Variants in BIRC6 observed in about 807,000 individuals in gnomAD.
BIRC6 encodes baculoviral IAP repeat containing 6.
BIRC6 carries 98 observed loss-of-function variants against 503.3 expected under a neutral mutation model. The observed-to-expected ratio is 0.19, with a 90% CI of 0.17 to 0.23. BIRC6 has a LOEUF of 0.23. Ranked by LOEUF, BIRC6 falls within the 10% of genes least tolerant of loss-of-function variation. The probability of loss-of-function intolerance (pLI) is 1.00; values close to 1 mark genes in which losing one functional copy is unlikely to be tolerated. For missense variants in BIRC6, 5,360 were observed against 5,806.0 expected (o/e 0.92, Z 2.50); for synonymous variants, 2,240 against 2,078.7 (o/e 1.08, Z -2.11).
intron 10 of BIRC6, among the ~76,000 whole-genome samples, chr2:32,424,078 G>A (rs889502129): frequency 6.6e-6 from 1 of 152,128 alleles, no homozygotes; most frequent in African/African-American, 2.4e-5. Context: ...TTTTGACTTG[G>A]AAAGAAAAAT....
chr2:32,429,892 A>G (rs1300367128), intron 11 of BIRC6, among the ~76,000 whole-genome samples: 13 of 152,212 alleles, frequency 8.5e-5, no homozygotes, highest in African/African-American at 2.9e-4. Context: ...CTTGGTATAA[A>G]AAGCTAAAAT....
chr2:32,524,569 A>G (rs2056091148), intron 57 of BIRC6, among the ~76,000 whole-genome samples: 1 of 152,210 alleles, frequency 6.6e-6, no homozygotes, highest in Non-Finnish European at 1.5e-5. Context: ...ACATTGAACT[A>G]TGGCTAAAAT....
intron 10 of BIRC6, among the ~76,000 whole-genome samples, chr2:32,420,109 C>A (rs2042777525): frequency 6.6e-6 from 1 of 152,082 alleles, no homozygotes; most frequent in African/African-American, 2.4e-5. Context: ...AAATTTTGTT[C>A]ATAGTTTTTG....
rs767942394 is a variant in BIRC6 at position 32,515,155 on chromosome 2, C to T, written c.10734C>T (p.Ser3578=). 6 of 1,613,854 alleles carry T rather than the reference C, an allele frequency of 3.7e-6. No individual in the cohort carries two copies. The highest frequency in any genetic ancestry group is 4.2e-6 in the Non-Finnish European group (5 of 1,179,878). ...CAGTGCAATGTCATCATAGACTGTC[C>T]ATGACAGATGATAGCAAAAAGCAGG... is the stretch of plus-strand genomic sequence containing the variant. ...PPPVQCHHRL[S]MTDDSKKQDL... Residue 3578 remains serine (S), a synonymous_variant, in exon 55 of 74, where the codon TCC becomes TCT. Coordinates refer to ENST00000421745, the MANE Select transcript of BIRC6 (RefSeq NM_016252.4).
chr2:32,588,155 A>T (rs1467752632), intron 66 of BIRC6, among the ~76,000 whole-genome samples: 3 of 152,116 alleles, frequency 2.0e-5, no homozygotes, highest in Non-Finnish European at 4.4e-5. Context: ...GGAGTTCAAG[A>T]CCAGCCTGGC....
chr2:32,495,859 A>G (rs190351242), intron 45 of BIRC6, among the ~76,000 whole-genome samples: 2 of 128,130 alleles, frequency 1.6e-5, no homozygotes, highest in Non-Finnish European at 3.1e-5. Flanking sequence ...TTTTTTTGAG[A>G]CGGAGTCTCT....
At position 32,505,213 on chromosome 2, in the gene BIRC6, A is replaced by G. The variant is rs2053660368; in HGVS notation, c.9700+8A>G. The G allele has an allele frequency of 6.5e-7, 1 of 1,540,340 alleles. No individual in the cohort carries two copies. The highest frequency in any genetic ancestry group is 8.8e-7 in the Non-Finnish European group (1 of 1,135,090). ...ATCTTGCATCTCTTGCAAGTGAGTA[A>G]TATTTTATAAAGAAGCATCATGAGA... is the stretch of plus-strand genomic sequence containing the variant. On this transcript the variant is annotated splice_region_variant and intron_variant, in intron 50 of 73. Transcript: ENST00000421745.
chr2:32,611,055 C>G (rs1438217109), intron 72 of BIRC6, among the ~76,000 whole-genome samples: 1 of 151,472 alleles, frequency 6.6e-6, no homozygotes, highest in Non-Finnish European at 1.5e-5. Flanking sequence ...CACGTCATAT[C>G]AAATCATGAG....
chr2:32,363,110 C>T (rs182946060), intron 1 of BIRC6, among the ~76,000 whole-genome samples: 253 of 152,074 alleles, frequency 1.7e-3, no homozygotes, highest in Non-Finnish European at 3.1e-3. Flanking sequence ...GCAGGAGGAT[C>T]GCTTGAGCCC....
At chr2:32,450,010 T>G in intron 22 of BIRC6, among the ~76,000 whole-genome samples, 1 of 152,206 alleles carries the variant, frequency 6.6e-6, no homozygotes, top group Non-Finnish European at 1.5e-5. Context: ...AATTTATGAT[T>G]GGAACTAGTA....
chr2:32,431,038 C>T lies in BIRC6; in HGVS notation c.3196C>T (p.His1066Tyr). 6.2e-7 allele frequency: 1 copy of T among 1,613,656 alleles called. No homozygotes were observed. The highest frequency in any genetic ancestry group is 8.5e-7 in the Non-Finnish European group (1 of 1,179,812). ...GCATCCTCAACATTTGCATCAGCAA[C>T]ACCATGGTGATGCTGCTCAGCATAC... ...RRHPQHLHQQHHGDAAQHTRT... is the reference protein window; with the variant it reads ...RRHPQHLHQQYHGDAAQHTRT... The change falls in exon 12 of 74, where the codon CAC becomes TAC. Residue 1066 changes from histidine (H) to tyrosine (Y), a missense_variant. His to Tyr is a moderately conservative substitution (Grantham distance 83). Transcript: ENST00000421745.
At chr2:32,363,970 A>T (rs1381505330) in intron 1 of BIRC6, among the ~76,000 whole-genome samples, 1 of 152,252 alleles carries the variant, frequency 6.6e-6, no homozygotes, top group Non-Finnish European at 1.5e-5. Context: ...AAATGTTTGT[A>T]ACAAATATAC....
chr2:32,417,395 C>T (rs571729214), intron 10 of BIRC6, among the ~76,000 whole-genome samples: 5 of 152,272 alleles, frequency 3.3e-5, no homozygotes, highest in East Asian at 1.9e-4. Flanking sequence ...CTGCCTGCCC[C>T]GGCCTCCCAA....
At chr2:32,596,785 G>A (rs114240220) in intron 68 of BIRC6, among the ~76,000 whole-genome samples, 1,618 of 152,274 alleles carry the variant, frequency 0.011, 29 homozygotes, top group African/African-American at 0.036. Flanking sequence ...ACTTGAAGGC[G>A]TTTAGTCATA....
At chr2:32,495,495 T>G (rs1248364744) in intron 45 of BIRC6, among the ~76,000 whole-genome samples, 1 of 152,206 alleles carries the variant, frequency 6.6e-6, no homozygotes, top group Non-Finnish European at 1.5e-5. Flanking sequence ...AAAGAAATAC[T>G]CGGTATAAAG....
chr2:32,491,254 TAGAG>T (rs1374624482), intron 43 of BIRC6, among the ~76,000 whole-genome samples, 167 bp from the exon 44 acceptor site: 1 of 152,122 alleles, frequency 6.6e-6, no homozygotes, highest in Non-Finnish European at 1.5e-5. Context: ...AGATGGTAGA[TAGAG>T]AGGGAAGTCC....
At chr2:32,384,720 T>C (rs2038190872) in intron 3 of BIRC6, among the ~76,000 whole-genome samples, 1 of 152,118 alleles carries the variant, frequency 6.6e-6, no homozygotes, top group African/African-American at 2.4e-5. Flanking sequence ...TACAGGGAAG[T>C]TTACATTTTT....
At chr2:32,420,266 A>G (rs1445768404) in intron 10 of BIRC6, among the ~76,000 whole-genome samples, 2 of 152,134 alleles carry the variant, frequency 1.3e-5, no homozygotes, top group African/African-American at 4.8e-5. Flanking sequence ...ATTTTGTGGT[A>G]AAGTTTGTGT....
chr2:32,450,022 G>A (rs142111654), intron 22 of BIRC6, among the ~76,000 whole-genome samples: 1 of 152,258 alleles, frequency 6.6e-6, no homozygotes, highest in African/African-American at 2.4e-5. Flanking sequence ...GAACTAGTAG[G>A]AGAGACTAGA....
Sources: allele counts gnomAD v4.1 joint callset (sites outside exome capture counted in the v4.1 genomes callset), GRCh38; gene constraint gnomAD v4.1.1; transcripts MANE v1.5; gene names NCBI Gene and HGNC (gene_info 2026-07-23, HGNC 2026-07-21).